SUCLG2: variants seen among roughly 807,000 people sequenced by gnomAD.
The protein encoded by SUCLG2 is succinate--CoA ligase [GDP-forming] subunit beta, mitochondrial.
Under a neutral mutation model 47.9 loss-of-function variants are expected in SUCLG2, and 42 were observed. That is an observed-to-expected ratio of 0.88 (90% CI 0.69 to 1.14). The LOEUF is 1.14. Ranked by LOEUF, SUCLG2 falls within the 50% of genes most tolerant of loss-of-function variation. The pLI, the probability that SUCLG2 is intolerant of heterozygous loss-of-function variation, is 0.00. For missense variants in SUCLG2, 571 were observed against 525.9 expected (o/e 1.09, Z -0.84); for synonymous variants, 195 against 197.3 (o/e 0.99, Z 0.10).
chr3:67,592,036 G>A (rs971912870), intron 2 of SUCLG2, among the ~76,000 whole-genome samples: 10 of 152,030 alleles, frequency 6.6e-5, no homozygotes, highest in African/African-American at 9.7e-5. Flanking sequence ...CTGAGTTATC[G>A]CTATTAATTT....
rs895576641 is a variant in SUCLG2 at position 67,529,098 on chromosome 3, A to T, written c.315T>A (p.His105Gln). ...ACCTCCAGACTTACTCTTTTGTTAAATGAACACCTCCTTTCAAACCACTAT... is the reference window on the plus strand; with the variant it reads ...ACCTCCAGACTTACTCTTTTGTTAATTGAACACCTCCTTTCAAACCACTAT... ...VFNSGLKGGV[H>Q]LTKDPNVVGQ... Residue 105 changes from histidine (H) to glutamine (Q), a missense_variant, in exon 3 of 11, where the codon CAT (histidine) becomes CAA (glutamine). Physicochemically the swap from His to Gln is conservative, Grantham distance 24. Coordinates refer to ENST00000307227, the MANE Select transcript of SUCLG2 (RefSeq NM_003848.4). The T allele has an allele frequency of 1.9e-6, 3 of 1,611,394 alleles. No homozygotes were observed. The African/African-American group carries it at 4.0e-5, about 22-fold the overall frequency.
At chr3:67,572,316 T>G (rs1405065941) in intron 2 of SUCLG2, among the ~76,000 whole-genome samples, 1 of 152,192 alleles carries the variant, frequency 6.6e-6, no homozygotes, top group Admixed American at 6.5e-5. Context: ...AATTCATCAT[T>G]CTTGGATAAA....
rs1704720308 is a variant in SUCLG2, at chr3:67,475,305, T to TCA, written c.1062+20492_1062+20493insTG. Reference sequence around the variant, plus strand: ...CTCACCAAAGAAAATGTTTTTCATTTGTAAGAAAACTGAGTGATTTCTCTT... The same window carrying TCA: ...CTCACCAAAGAAAATGTTTTTCATTTCAGTAAGAAAACTGAGTGATTTCTCTT... On this transcript the variant is annotated intron_variant, in intron 9 of 10. Coordinates refer to ENST00000307227, the MANE Select transcript of SUCLG2 (RefSeq NM_003848.4). Among the ~76,000 whole-genome samples, 38 of 152,176 alleles carry TCA rather than the reference T, an allele frequency of 2.5e-4. 1 individual carries two copies. Among genetic ancestry groups the TCA allele is most frequent in the Admixed American group, 2.5e-3 (38 of 15,272 alleles).
intron 9 of SUCLG2, among the ~76,000 whole-genome samples, chr3:67,472,650 T>C (rs1704633194): frequency 6.6e-6 from 1 of 152,188 alleles, no homozygotes; most frequent in African/African-American, 2.4e-5. Context: ...GCAAAATGCA[T>C]TGTTCAGCAG....
intron 1 of SUCLG2, among the ~76,000 whole-genome samples, chr3:67,614,877 T>C (rs376734830): frequency 1.6e-4 from 25 of 152,242 alleles, no homozygotes; most frequent in African/African-American, 5.8e-4. Context: ...CCAGCTTTTT[T>C]CCTTCCTTCA....
intron 9 of SUCLG2, among the ~76,000 whole-genome samples, chr3:67,401,093 A>G (rs913918810): frequency 3.3e-5 from 5 of 152,180 alleles, no homozygotes; most frequent in Non-Finnish European, 7.3e-5. Flanking sequence ...TTTCAACTCA[A>G]AATGAATTTA....
intron 10 of SUCLG2, among the ~76,000 whole-genome samples, chr3:67,376,955 T>C (rs1234476026): frequency 1.3e-5 from 2 of 152,230 alleles, no homozygotes. Context: ...TTATGTAGTT[T>C]TGGGTAAATC....
chr3:67,443,864 C>T (rs1162466146), intron 9 of SUCLG2, among the ~76,000 whole-genome samples: 6 of 81,972 alleles, frequency 7.3e-5, no homozygotes, highest in Non-Finnish European at 1.2e-4. Context: ...GCAGCTGCCC[C>T]GTCTGAGAAG....
At chr3:67,615,651 C>CACACACA (rs1553670703) in intron 1 of SUCLG2, among the ~76,000 whole-genome samples, 13 of 151,298 alleles carry the variant, frequency 8.6e-5, no homozygotes, top group Non-Finnish European at 1.8e-4. Context: ...CACACACACA[C>CACACACA]GAGATCTGAT....
At chr3:67,594,112 A>G (rs1398722356) in intron 2 of SUCLG2, among the ~76,000 whole-genome samples, 2 of 152,200 alleles carry the variant, frequency 1.3e-5, no homozygotes, top group African/African-American at 4.8e-5. Context: ...GTTTGCAGCC[A>G]AGCCCAGAGA....
intron 2 of SUCLG2, among the ~76,000 whole-genome samples, chr3:67,580,887 C>T (rs1434928592): frequency 1.3e-5 from 2 of 152,100 alleles, no homozygotes; most frequent in Non-Finnish European, 2.9e-5. Context: ...TTGTTTAGAG[C>T]TGTTTATAAT....
intron 2 of SUCLG2, among the ~76,000 whole-genome samples, chr3:67,549,832 G>A (rs928955987): frequency 9.9e-5 from 15 of 152,020 alleles, no homozygotes; most frequent in African/African-American, 3.1e-4. Context: ...GGTAGAGAAA[G>A]GTTGTAATGG....
chr3:67,528,900 C>A (rs2107146746), intron 3 of SUCLG2, among the ~76,000 whole-genome samples, 187 bp downstream of exon 3: 1 of 152,252 alleles, frequency 6.6e-6, no homozygotes, highest in Middle Eastern at 3.4e-3. Flanking sequence ...TAAGAAAAAT[C>A]ATTTTGTGGG....
At chr3:67,444,219 C>T (rs1575700406) in intron 9 of SUCLG2, among the ~76,000 whole-genome samples, 3 of 50,984 alleles carry the variant, frequency 5.9e-5, no homozygotes, top group Non-Finnish European at 1.3e-4. Flanking sequence ...CGCCTCTGCC[C>T]GGCCGCCCCT....
At position 67,443,339 on chromosome 3, in the gene SUCLG2, G is replaced by A. The variant is rs1182231751; in HGVS notation, c.1063-42488C>T. ...CAGCGGAGCTGTCTCAGTCTTTGCCGCCGCGCCGGCGAGCGCCCCTCGGGA... is the reference window on the plus strand; with the variant it reads ...CAGCGGAGCTGTCTCAGTCTTTGCCACCGCGCCGGCGAGCGCCCCTCGGGA... On this transcript the variant is annotated intron_variant, in intron 9 of 10. Coordinates refer to ENST00000307227, the MANE Select transcript of SUCLG2 (RefSeq NM_003848.4). 5.3e-4 allele frequency among the ~76,000 whole-genome samples: 16 copies of A among 30,236 alleles called. 6 individuals carry two copies. In the East Asian group the frequency reaches 0.011, roughly 20 times the overall value. The allele number at this position is 30,236 out of a possible 152,430, so 19.8% of individuals were successfully genotyped here.
intron 9 of SUCLG2, among the ~76,000 whole-genome samples, chr3:67,467,565 T>C (rs768159751): frequency 1.3e-5 from 2 of 152,228 alleles, no homozygotes; most frequent in Non-Finnish European, 2.9e-5. Flanking sequence ...TGAACAAGTA[T>C]AGGATAGGAT....
At chr3:67,586,245 A>G (rs1290329557) in intron 2 of SUCLG2, among the ~76,000 whole-genome samples, 2 of 152,178 alleles carry the variant, frequency 1.3e-5, no homozygotes, top group Non-Finnish European at 2.9e-5. Context: ...CTTCTTTACT[A>G]CAGCCAAATT....
chr3:67,396,849 G>A (rs1702542551), intron 10 of SUCLG2, among the ~76,000 whole-genome samples: 1 of 152,166 alleles, frequency 6.6e-6, no homozygotes, highest in African/African-American at 2.4e-5. Flanking sequence ...TCATCACTGG[G>A]ATGCAAGGCT....
chr3:67,500,512 G>A lies in SUCLG2; in HGVS notation c.758-2217C>T, dbSNP rs141628135. ...CACATTGTGAATGGTTGGAGTGAATGAGTAATTACTTTCCAAAATATTGAA... is the reference window on the plus strand; with the variant it reads ...CACATTGTGAATGGTTGGAGTGAATAAGTAATTACTTTCCAAAATATTGAA... On this transcript the variant is annotated intron_variant, in intron 7 of 10. Transcript: ENST00000307227. 4.5e-3 allele frequency among the ~76,000 whole-genome samples: 685 copies of A among 151,966 alleles called. 12 individuals are homozygous for A. The East Asian group carries it at 0.059, about 13-fold the overall frequency.
Sources: allele counts gnomAD v4.1 joint callset (sites outside exome capture counted in the v4.1 genomes callset), GRCh38; gene constraint gnomAD v4.1.1; transcripts MANE v1.5; gene names NCBI Gene and HGNC (gene_info 2026-07-23, HGNC 2026-07-21).